COLEC12: variants seen among roughly 807,000 people sequenced by gnomAD.
COLEC12 encodes collectin subfamily member 12.
A neutral mutation model predicts 71.1 loss-of-function variants in COLEC12; 33 were observed. The ratio of observed to expected loss-of-function variants is 0.46; its 90% confidence interval spans 0.35 to 0.62. COLEC12 has a LOEUF of 0.62. COLEC12 is among the 20% of genes least tolerant of loss of function. The probability of loss-of-function intolerance (pLI) is 0.00; values close to 1 mark genes in which losing one functional copy is unlikely to be tolerated. For synonymous variants in COLEC12, 350 were observed against 353.0 expected (o/e 0.99, Z 0.10); for missense variants, 765 against 916.1 (o/e 0.84, Z 2.13).
Position 387,286 on chromosome 18 carries a change from C to T in COLEC12, c.59-29764G>A, listed in dbSNP as rs1160365652. On this transcript the variant is annotated intron_variant, in intron 2 of 9. Coordinates refer to ENST00000400256, the MANE Select transcript of COLEC12 (RefSeq NM_130386.3). Reference sequence around the variant, plus strand: ...GTGTCTTTTGCATCAGGACAAGACCCTGAATAATTCACTGAGGAATTTACC... The same window carrying T: ...GTGTCTTTTGCATCAGGACAAGACCTTGAATAATTCACTGAGGAATTTACC... 2.0e-5 allele frequency among the ~76,000 whole-genome samples: 3 copies of T among 152,238 alleles called. 1 individual carries two copies. The highest frequency in any genetic ancestry group is 4.4e-5 in the Non-Finnish European group (3 of 68,024).
chr18:348,211 T>C, intron 3 of COLEC12, 48 bp from the exon 4 acceptor site: 1 of 1,171,414 alleles, frequency 8.5e-7, no homozygotes, highest in Non-Finnish European at 1.3e-6. Flanking sequence ...GCTCATATTT[T>C]ATTTTTCAGT....
chr18:414,938 T>C (rs1336866983), intron 2 of COLEC12, among the ~76,000 whole-genome samples: 1 of 152,218 alleles, frequency 6.6e-6, no homozygotes, highest in Non-Finnish European at 1.5e-5. Flanking sequence ...CAAGGAAGGA[T>C]TGCAGGAGTT....
intron 2 of COLEC12, among the ~76,000 whole-genome samples, chr18:423,167 G>T (rs1916131608): frequency 6.6e-6 from 1 of 152,276 alleles, no homozygotes; most frequent in East Asian, 1.9e-4. Context: ...TCCTTGGGAA[G>T]ATGAGGTGGG....
At chr18:427,658 T>C (rs1010633747) in intron 2 of COLEC12, among the ~76,000 whole-genome samples, 6 of 152,208 alleles carry the variant, frequency 3.9e-5, no homozygotes, top group African/African-American at 1.2e-4. Flanking sequence ...TTCTTCATTG[T>C]TGTATTCTCT....
At chr18:352,212 GTT>G (rs1410404773) in intron 3 of COLEC12, among the ~76,000 whole-genome samples, 1 of 152,160 alleles carries the variant, frequency 6.6e-6, no homozygotes, top group Non-Finnish European at 1.5e-5. Flanking sequence ...TTGCATATGT[GTT>G]TTTAGCAAAG....
At chr18:343,346 A>G (rs1368826921) in intron 5 of COLEC12, among the ~76,000 whole-genome samples, 1 of 152,034 alleles carries the variant, frequency 6.6e-6, no homozygotes, top group Non-Finnish European at 1.5e-5. Context: ...GACCTCCTAA[A>G]GCTGGGGTCC....
Position 368,733 on chromosome 18 carries a change from G to A in COLEC12, c.59-11211C>T, listed in dbSNP as rs536159991. Among the ~76,000 whole-genome samples the A allele has an allele frequency of 2.4e-3, 372 of 152,252 alleles. 3 individuals carry two copies. Among genetic ancestry groups the A allele is most frequent in the Non-Finnish European group, 3.9e-3 (268 of 68,010 alleles). On this transcript the variant is annotated intron_variant, in intron 2 of 9. Coordinates refer to ENST00000400256, the MANE Select transcript of COLEC12 (RefSeq NM_130386.3). ...ACAAAAAAATTAGCCGGGCGTGGTG[G>A]CGGGCGCCTGTAGTCCCAGCTACTT...
chr18:358,385 A>C (rs891928336), intron 2 of COLEC12, among the ~76,000 whole-genome samples: 8 of 152,168 alleles, frequency 5.3e-5, no homozygotes, highest in Non-Finnish European at 1.0e-4. Flanking sequence ...AACTCACCAT[A>C]ATGTAGAAAC....
At chr18:411,087 T>C (rs551717605) in intron 2 of COLEC12, among the ~76,000 whole-genome samples, 1 of 152,260 alleles carries the variant, frequency 6.6e-6, no homozygotes, top group South Asian at 2.1e-4. Flanking sequence ...GGAATTTCTA[T>C]CCCTTCCCAC....
intron 3 of COLEC12, among the ~76,000 whole-genome samples, chr18:355,393 G>T (rs1598336410): frequency 6.6e-6 from 1 of 152,086 alleles, no homozygotes; most frequent in African/African-American, 2.4e-5. Context: ...GCAGAGAAAA[G>T]GTGCTGTGGG....
At chr18:336,697 T>G (rs971712434) in intron 5 of COLEC12, among the ~76,000 whole-genome samples, 1 of 151,936 alleles carries the variant, frequency 6.6e-6, no homozygotes, top group African/African-American at 2.4e-5. Context: ...CCAAGGAGAG[T>G]AAGACATGGT....
At chr18:354,688 CT>C (rs1480709104) in intron 3 of COLEC12, among the ~76,000 whole-genome samples, 1 of 152,130 alleles carries the variant, frequency 6.6e-6, no homozygotes, top group African/African-American at 2.4e-5. Flanking sequence ...GAAAGCACAT[CT>C]GGAAAATATC....
At chr18:470,842 G>A (rs1287437825) in intron 2 of COLEC12, among the ~76,000 whole-genome samples, 2 of 152,202 alleles carry the variant, frequency 1.3e-5, no homozygotes, top group Non-Finnish European at 2.9e-5. Flanking sequence ...TGGAAATACT[G>A]ATCTTAGGTT....
chr18:330,348 T>C lies in COLEC12; in HGVS notation c.2063+1320A>G, dbSNP rs1319607034. Reference sequence around the variant, plus strand: ...GAAACACCCTTGTTTTCTCCTCTCCTGGGACAGCCCCAGAGGCCACACCGT... The same window carrying C: ...GAAACACCCTTGTTTTCTCCTCTCCCGGGACAGCCCCAGAGGCCACACCGT... On this transcript the variant is annotated intron_variant, in intron 8 of 9. Transcript: ENST00000400256. Among the ~76,000 whole-genome samples, 5 of 152,156 alleles carry C rather than the reference T, an allele frequency of 3.3e-5. 1 individual carries two copies. The highest frequency in any genetic ancestry group is 6.3e-3 in the Middle Eastern group (2 of 316).
At chr18:368,115 T>C (rs3929952) in intron 2 of COLEC12, among the ~76,000 whole-genome samples, 52,650 of 152,144 alleles carry the variant, frequency 0.35, 9,791 homozygotes, top group African/African-American at 0.45. Flanking sequence ...ACATGTAGGC[T>C]TATTTAATTT....
chr18:475,454 C>T (rs1361974771), intron 2 of COLEC12, among the ~76,000 whole-genome samples: 1 of 152,124 alleles, frequency 6.6e-6, no homozygotes, highest in African/African-American at 2.4e-5. Flanking sequence ...AAATCAACAC[C>T]TTGTCCAAAT....
intron 2 of COLEC12, among the ~76,000 whole-genome samples, chr18:460,899 A>G (rs995189888): frequency 6.6e-6 from 1 of 152,228 alleles, no homozygotes; most frequent in Non-Finnish European, 1.5e-5. Context: ...GTATCCAATT[A>G]TCACAGGACT....
Position 333,281 on chromosome 18 carries a change from C to T in COLEC12, c.1817-138G>A, listed in dbSNP as rs756048246. ...GTCCCTGCACGAGGCCCACAGCTGACGTTCACGGACGTGCTCGCAGCAAGC... is the reference window on the plus strand; with the variant it reads ...GTCCCTGCACGAGGCCCACAGCTGATGTTCACGGACGTGCTCGCAGCAAGC... On this transcript the variant is annotated intron_variant, in intron 6 of 9. Coordinates refer to ENST00000400256, the MANE Select transcript of COLEC12 (RefSeq NM_130386.3). The T allele has an allele frequency of 1.2e-5, 8 of 648,168 alleles. No individual in the cohort carries two copies. In the East Asian group the frequency reaches 1.4e-4, roughly 11 times the overall value. 40.2% of individuals were successfully genotyped at this position (648,168 alleles called of 1,614,324 possible).
At chr18:441,480 G>A (rs182591166) in intron 2 of COLEC12, among the ~76,000 whole-genome samples, 11 of 152,142 alleles carry the variant, frequency 7.2e-5, no homozygotes, top group African/African-American at 1.2e-4. Context: ...GGTGCGCAAC[G>A]CAGACACAGC....
Sources: allele counts gnomAD v4.1 joint callset (sites outside exome capture counted in the v4.1 genomes callset), GRCh38; gene constraint gnomAD v4.1.1; transcripts MANE v1.5; gene names NCBI Gene and HGNC (gene_info 2026-07-23, HGNC 2026-07-21).